Variants in GABRR2 observed in about 807,000 individuals in gnomAD.
GABRR2 encodes gamma-aminobutyric acid receptor subunit rho-2.
GABRR2 carries 36 observed loss-of-function variants against 47.0 expected under a neutral mutation model. The observed-to-expected ratio is 0.77, with a 90% confidence interval of 0.59 to 1.01. The LOEUF is 1.01. Among genes scored for constraint, GABRR2 ranks in the 50% least tolerant of loss-of-function variants. GABRR2 has a pLI of 0.00. For synonymous variants in GABRR2, 204 were observed against 227.5 expected (o/e 0.90, Z 0.93); for missense variants, 587 against 594.6 (o/e 0.99, Z 0.13).
intron 8 of GABRR2, among the ~76,000 whole-genome samples, chr6:89,261,833 G>A (rs887340481): frequency 1.7e-4 from 26 of 152,054 alleles, no homozygotes; most frequent in African/African-American, 6.3e-4. Context: ...GACTCCAGAA[G>A]TTTGAAACCA....
In GABRR2 at chr6:89,306,075, T is replaced by A. The variant is rs556675066; in HGVS notation, c.114-6210A>T. Among the ~76,000 whole-genome samples, 11 of 61,800 alleles carry A rather than the reference T, an allele frequency of 1.8e-4. No homozygotes were observed. The East Asian group carries it at 3.5e-3, about 20-fold the overall frequency. 40.5% of individuals were successfully genotyped at this position (61,800 alleles called of 152,430 possible). ...TGTGTTGAGTACTGGAAGATCATGA[T>A]TTTTTTTTTTTAATTTCTTGGCCGA... On this transcript the variant is annotated intron_variant, in intron 1 of 8. Coordinates refer to ENST00000402938, the MANE Select transcript of GABRR2 (RefSeq NM_002043.5).
chr6:89,313,573 T>TTTCCCATCATTCTG (rs113931189), intron 1 of GABRR2, among the ~76,000 whole-genome samples: 4 of 152,034 alleles, frequency 2.6e-5, no homozygotes, highest in South Asian at 4.2e-4. Context: ...GCAGGGCCTC[T>TTTCCCATCATTCTG]GAGGGTTTTG....
intron 1 of GABRR2, among the ~76,000 whole-genome samples, chr6:89,306,379 CGTGAT>C (rs1767560115): frequency 6.6e-6 from 1 of 151,932 alleles, no homozygotes; most frequent in East Asian, 1.9e-4. Flanking sequence ...AAAAAATTCT[CGTGAT>C]GTTATAAGAA....
chr6:89,298,621 G>T (rs1774596560), intron 2 of GABRR2, among the ~76,000 whole-genome samples: 1 of 152,214 alleles, frequency 6.6e-6, no homozygotes, highest in Non-Finnish European at 1.5e-5. Flanking sequence ...AATTCTTGGT[G>T]CCTCAGTTTC....
At position 89,254,971 on chromosome 6, in the gene GABRR2, T is replaced by C. The variant is rs185363377; in HGVS notation, c.*2699A>G. ...AGCAAAAATAAATATTTGTTTTAAT[T>C]TGTGAACAGGCAACTATGTTATATG... On this transcript the variant is annotated 3_prime_UTR_variant, in exon 9 of 9. Coordinates refer to ENST00000402938, the MANE Select transcript of GABRR2 (RefSeq NM_002043.5). Among the ~76,000 whole-genome samples, 37 of 152,316 alleles carry C rather than the reference T, an allele frequency of 2.4e-4. No individual in the cohort carries two copies. Among genetic ancestry groups the C allele is most frequent in the Non-Finnish European group, 4.1e-4 (28 of 68,016 alleles).
intron 4 of GABRR2, 141 bp from the exon 5 acceptor site, chr6:89,268,237 T>C: frequency 1.4e-6 from 1 of 690,578 alleles, no homozygotes; most frequent in South Asian, 1.6e-5. Flanking sequence ...TTATCTGAGT[T>C]ATAGAACCTT....
rs1767737797 is a variant in GABRR2 at position 89,314,982 on chromosome 6, G to A, written c.113+71C>T. 3 of 1,367,958 alleles carry A rather than the reference G, an allele frequency of 2.2e-6. No homozygotes were observed. In the East Asian group the frequency reaches 6.9e-5, roughly 31 times the overall value. The allele number at this position is 1,367,958 out of a possible 1,614,324, so 84.7% of individuals were successfully genotyped here. The stretch of plus-strand genomic sequence containing the variant: ...CAATAGGACCTTAGCCCCCTGGGGA[G>A]CCATCCCACTGTGCCACTGCTGCTG... On this transcript the variant is annotated intron_variant, in intron 1 of 8. Coordinates refer to ENST00000402938, the MANE Select transcript of GABRR2 (RefSeq NM_002043.5).
chr6:89,267,742 A>C lies in GABRR2; in HGVS notation c.673T>G (p.Leu225Val), dbSNP rs1481724986. 6.2e-7 allele frequency: 1 copy of C among 1,613,842 alleles called. No individual in the cohort carries two copies. Among genetic ancestry groups the C allele is most frequent in the African/African-American group, 1.3e-5 (1 of 74,936 alleles). ...ESLKTDEKISLSQFLIQKFHT... is the reference protein window; with the variant it reads ...ESLKTDEKISVSQFLIQKFHT... Reference sequence around the variant, plus strand: ...AATTTCTGAATCAGAAACTGAGACAAGGAGATCTTCTCATCTGTTTTTAGG... The same window carrying C: ...AATTTCTGAATCAGAAACTGAGACACGGAGATCTTCTCATCTGTTTTTAGG... Residue 225 changes from leucine (L) to valine (V), a missense_variant, in exon 6 of 9, where the codon TTG becomes GTG. Leu to Val is a conservative substitution (Grantham distance 32). Coordinates refer to ENST00000402938, the MANE Select transcript of GABRR2 (RefSeq NM_002043.5).
At position 89,257,672 on chromosome 6, in the gene GABRR2, AG is replaced by A; in HGVS notation, c.1395del (p.Ter466ArgfsTer21). 1 of 1,609,632 alleles carries A rather than the reference AG, an allele frequency of 6.2e-7. No homozygotes were observed. The highest frequency in any genetic ancestry group is 8.5e-7 in the Non-Finnish European group (1 of 1,177,466). On this transcript the variant is annotated frameshift_variant, in exon 9 of 9. Transcript: ENST00000402938. LOFTEE classifies it high-confidence loss of function. Reference sequence around the variant, plus strand: ...TTCTAGGAACAGCCTTGGAGCCCCTAGGAAAACACTGACCAATAAATTAAGT... The same window carrying A: ...TTCTAGGAACAGCCTTGGAGCCCCTAGAAAACACTGACCAATAAATTAAGT... ...FFNLIYWSVF[S>X]
chr6:89,314,074 T>G (rs533465752), intron 1 of GABRR2, among the ~76,000 whole-genome samples: 1 of 151,438 alleles, frequency 6.6e-6, no homozygotes, highest in South Asian at 2.1e-4. Context: ...AACATACATA[T>G]TTATAACAGC....
chr6:89,307,231 A>G (rs1767583819), intron 1 of GABRR2, among the ~76,000 whole-genome samples: 1 of 152,146 alleles, frequency 6.6e-6, no homozygotes, highest in South Asian at 2.1e-4. Context: ...ACCCCAGAAC[A>G]ACCAAATTCA....
Position 89,315,299 on chromosome 6 carries a change from C to G in GABRR2, c.-134G>C. ...GAGGGGCTGTGAGGGCAAGGCTGGC[C>G]AGGCTAGTTGTCCCGATTTACTATT... On this transcript the variant is annotated 5_prime_UTR_variant, in exon 1 of 9. Coordinates refer to ENST00000402938, the MANE Select transcript of GABRR2 (RefSeq NM_002043.5). The G allele has an allele frequency of 6.5e-7, 1 of 1,549,416 alleles. No homozygotes were observed. Among genetic ancestry groups the G allele is most frequent in the Non-Finnish European group, 8.7e-7 (1 of 1,147,174 alleles).
intron 1 of GABRR2, among the ~76,000 whole-genome samples, chr6:89,300,753 A>AT (rs1767407269): frequency 6.6e-6 from 1 of 150,434 alleles, no homozygotes; most frequent in African/African-American, 2.4e-5. Flanking sequence ...ACCAAAAAAA[A>AT]AAAAAAAAAA....
At chr6:89,290,094 GCATTTTAGAGAC>G (rs1369465953) in intron 2 of GABRR2, among the ~76,000 whole-genome samples, 2 of 152,166 alleles carry the variant, frequency 1.3e-5, no homozygotes, top group African/African-American at 4.8e-5. Context: ...AGGCCCATCA[GCATTTTAGAGAC>G]CCTGTCTCTA....
intron 1 of GABRR2, among the ~76,000 whole-genome samples, chr6:89,313,299 T>C (rs1053888310): frequency 1.3e-5 from 2 of 152,218 alleles, no homozygotes; most frequent in African/African-American, 2.4e-5. Flanking sequence ...AAGCCCTGCA[T>C]AATTTATCCC....
At chr6:89,314,017 A>AG (rs1215158508) in intron 1 of GABRR2, among the ~76,000 whole-genome samples, 4 of 114,264 alleles carry the variant, frequency 3.5e-5, no homozygotes, top group Non-Finnish European at 7.7e-5. Context: ...ATTTATATTC[A>AG]GGGTTTTTTT....
At chr6:89,261,736 A>G (rs1331749403) in intron 8 of GABRR2, among the ~76,000 whole-genome samples, 2 of 152,150 alleles carry the variant, frequency 1.3e-5, no homozygotes, top group African/African-American at 4.8e-5. Context: ...CCTTGAGATA[A>G]ACAACGTTAA....
chr6:89,285,913 C>T lies in GABRR2; in HGVS notation c.220+13846G>A, dbSNP rs114754573. Among the ~76,000 whole-genome samples the T allele has an allele frequency of 5.9e-3, 898 of 152,104 alleles. 9 individuals carry two copies. The highest frequency in any genetic ancestry group is 0.021 in the African/African-American group (855 of 41,472). On this transcript the variant is annotated intron_variant, in intron 2 of 8. Transcript: ENST00000402938. ...CATGGGGTGCCCTGCTTGAAACTCC[C>T]TCCCTCTGGGGTCTCTGTGACACAG...
chr6:89,297,767 C>T (rs1297652734), intron 2 of GABRR2, among the ~76,000 whole-genome samples: 5 of 152,190 alleles, frequency 3.3e-5, no homozygotes, highest in Non-Finnish European at 1.5e-5. Context: ...GGAGGAGAAT[C>T]GCTTGAACCT....
Sources: gnomAD v4.1 joint callset for allele counts (sites outside exome capture counted in the v4.1 genomes callset) on GRCh38, gnomAD v4.1.1 for gene constraint, MANE v1.5 for transcripts, NCBI Gene and HGNC (gene_info 2026-07-23, HGNC 2026-07-21) for gene names.